Variants in PCBP3 observed in about 807,000 individuals in gnomAD.
PCBP3 encodes poly(rC) binding protein 3.
Under a neutral mutation model 52.7 loss-of-function variants are expected in PCBP3, and 25 were observed. The ratio of observed to expected loss-of-function variants is 0.47; its 90% CI spans 0.35 to 0.66. The LOEUF (loss-of-function observed/expected upper bound fraction) is 0.66. PCBP3 is among the 30% of genes least tolerant of loss of function. PCBP3 has a pLI of 0.01. For missense variants in PCBP3, 391 were observed against 490.3 expected (o/e 0.80, Z 1.91); for synonymous variants, 162 against 183.0 (o/e 0.89, Z 0.93).
At chr21:45,696,947 A>G (rs2082817502) in intron 2 of PCBP3, among the ~76,000 whole-genome samples, 1 of 152,228 alleles carries the variant, frequency 6.6e-6, no homozygotes, top group Non-Finnish European at 1.5e-5. Flanking sequence ...AGGTACCACA[A>G]TAGCCTTTAG....
intron 2 of PCBP3, among the ~76,000 whole-genome samples, chr21:45,711,239 T>C (rs1433184191): frequency 6.6e-6 from 1 of 152,248 alleles, no homozygotes. Flanking sequence ...GATATATGTT[T>C]GTATACTAAC....
intron 5 of PCBP3, among the ~76,000 whole-genome samples, chr21:45,885,295 C>T (rs1300982924): frequency 1.3e-5 from 2 of 152,122 alleles, no homozygotes; most frequent in East Asian, 3.9e-4. Context: ...GGGTCATGTC[C>T]CTCTTGCTGC....
At chr21:45,796,068 G>A (rs2091906937) in intron 4 of PCBP3, among the ~76,000 whole-genome samples, 1 of 152,132 alleles carries the variant, frequency 6.6e-6, no homozygotes, top group Admixed American at 6.5e-5. Context: ...CCAGTCAGAG[G>A]GCTGCACTCT....
intron 2 of PCBP3, among the ~76,000 whole-genome samples, chr21:45,708,759 A>T (rs2083621982): frequency 6.6e-6 from 1 of 152,208 alleles, no homozygotes; most frequent in South Asian, 2.1e-4. Context: ...GGTGACTGTG[A>T]TTCATGTGGG....
intron 2 of PCBP3, among the ~76,000 whole-genome samples, chr21:45,681,251 G>A (rs2081826230): frequency 7.2e-5 from 11 of 152,156 alleles, no homozygotes; most frequent in Admixed American, 7.2e-4. Context: ...TTTTCTGAGA[G>A]GTTTTATCAC....
intron 2 of PCBP3, among the ~76,000 whole-genome samples, chr21:45,731,347 C>T (rs376383542): frequency 6.6e-6 from 1 of 152,178 alleles, no homozygotes. Flanking sequence ...TTTTTAGGCT[C>T]GTTAGCTGAA....
chr21:45,845,097 A>C (rs1324719516), intron 4 of PCBP3, among the ~76,000 whole-genome samples: 2 of 152,168 alleles, frequency 1.3e-5, no homozygotes, highest in Non-Finnish European at 2.9e-5. Context: ...ATTCTCAAGG[A>C]GTCCACCTCC....
intron 5 of PCBP3, chr21:45,871,977 C>T (rs2095044750): frequency 6.6e-6 from 1 of 152,256 alleles, no homozygotes; most frequent in African/African-American, 2.4e-5. Context: ...GGGCTGGGCT[C>T]CGATTTGGGG....
intron 4 of PCBP3, among the ~76,000 whole-genome samples, chr21:45,842,439 C>G (rs1342155646): frequency 6.6e-6 from 1 of 152,076 alleles, no homozygotes; most frequent in Non-Finnish European, 1.5e-5. Context: ...CTTATTTGTT[C>G]AGGCTTTTTT....
chr21:45,802,425 G>T lies in PCBP3; in HGVS notation c.-126+46973G>T, dbSNP rs1003149852. On this transcript the variant is annotated intron_variant, in intron 4 of 17. Coordinates refer to ENST00000681687, the MANE Select transcript of PCBP3 (RefSeq NM_001384156.1). The surrounding 1 kb of genome is among the most constrained non-coding windows in gnomAD (Gnocchi z 5.1). ...CTTAGCTTGTTCATTAAAAACAATT[G>T]TACTTACTGAGTGCCTACGTTGTCC... Among the ~76,000 whole-genome samples, 2 of 152,112 alleles carry T rather than the reference G, an allele frequency of 1.3e-5. No homozygotes were observed. Among genetic ancestry groups the T allele is most frequent in the African/African-American group, 4.8e-5 (2 of 41,436 alleles).
intron 5 of PCBP3, among the ~76,000 whole-genome samples, chr21:45,863,993 C>T (rs1261151636): frequency 6.6e-6 from 1 of 152,226 alleles, no homozygotes; most frequent in Non-Finnish European, 1.5e-5. Context: ...GGCTGTTCCA[C>T]TAACAGGGTT....
chr21:45,725,308 T>C (rs571898623), intron 2 of PCBP3, among the ~76,000 whole-genome samples: 200 of 152,366 alleles, frequency 1.3e-3, no homozygotes, highest in African/African-American at 4.6e-3. Context: ...TGGTTTTTTT[T>C]CTGATTAATT....
At chr21:45,899,522 TCGGTAGTGTCTGCCTCCAG>T in intron 6 of PCBP3, 58 bp from the exon 7 acceptor site, 2 of 1,126,088 alleles carry the variant, frequency 1.8e-6, no homozygotes. Context: ...TAGGCAGGTT[TCGGTAGTGTCTGCCTCCAG>T]TGTTTTCCTC....
chr21:45,858,142 G>A (rs981655601), intron 5 of PCBP3, among the ~76,000 whole-genome samples: 3 of 152,232 alleles, frequency 2.0e-5, no homozygotes, highest in Non-Finnish European at 4.4e-5. Context: ...ATCTTAATCC[G>A]CTCAGAGGTT....
chr21:45,939,895 G>T, intron 16 of PCBP3, 135 bp from the exon 17 acceptor site: 1 of 741,658 alleles, frequency 1.3e-6, no homozygotes, highest in Non-Finnish European at 2.2e-6. Context: ...GCCTCTCCGG[G>T]GTGTTGAGCT....
chr21:45,699,227 C>G (rs1056296940), intron 2 of PCBP3, among the ~76,000 whole-genome samples: 4 of 152,192 alleles, frequency 2.6e-5, no homozygotes, highest in African/African-American at 9.6e-5. Flanking sequence ...TGGCCTAGGG[C>G]TCTCCCAAGT....
intron 5 of PCBP3, among the ~76,000 whole-genome samples, chr21:45,877,145 C>T (rs780558830): frequency 1.3e-5 from 2 of 152,210 alleles, no homozygotes; most frequent in East Asian, 3.8e-4. Flanking sequence ...TCGGGTCTGA[C>T]GGGATGTCAT....
At chr21:45,823,223 G>A (rs943954182) in intron 4 of PCBP3, among the ~76,000 whole-genome samples, 7 of 152,144 alleles carry the variant, frequency 4.6e-5, no homozygotes, top group Non-Finnish European at 1.0e-4. Flanking sequence ...GACCCCTCAG[G>A]TCAGTCACCT....
intron 4 of PCBP3, chr21:45,762,554 A>G (rs1476952213): frequency 7.5e-6 from 1 of 133,974 alleles, no homozygotes; most frequent in Admixed American, 8.6e-5. Flanking sequence ...CAGTGGCATG[A>G]TCTTGGCTCA....
Sources: gnomAD v4.1 joint callset for allele counts (sites outside exome capture counted in the v4.1 genomes callset) on GRCh38, gnomAD v4.1.1 for gene constraint, Gnocchi (gnomAD v3.1) non-coding constraint, MANE v1.5 for transcripts, NCBI Gene and HGNC (gene_info 2026-07-23, HGNC 2026-07-21) for gene names.